Variants in C1GALT1 observed in about 807,000 individuals in gnomAD.
C1GALT1 encodes the protein glycoprotein-N-acetylgalactosamine 3-beta-galactosyltransferase 1.
In C1GALT1, 11 loss-of-function variants were observed where a neutral mutation model predicts 31.0. That is an observed-to-expected ratio of 0.36 (90% CI 0.22 to 0.59). The LOEUF is 0.59. Among genes scored for constraint, C1GALT1 ranks in the 20% least tolerant of loss-of-function variants. C1GALT1 has a pLI of 0.79. For synonymous variants in C1GALT1, 175 were observed against 143.6 expected, an observed-to-expected ratio of 1.22 and a Z score of -1.56; for missense variants, 424 against 425.2, an observed-to-expected ratio of 1.00 and a Z score of 0.03.
At chr7:7,228,036 G>C (rs903426552) in intron 1 of C1GALT1, among the ~76,000 whole-genome samples, 3 of 152,068 alleles carry the variant, frequency 2.0e-5, no homozygotes, top group Non-Finnish European at 2.9e-5. Flanking sequence ...GTGACTCTCT[G>C]TGTCTGAATT....
intron 1 of C1GALT1, among the ~76,000 whole-genome samples, chr7:7,214,770 C>G (rs904979250): frequency 1.3e-5 from 2 of 152,172 alleles, no homozygotes; most frequent in African/African-American, 4.8e-5. Context: ...TCGGAGAAGC[C>G]GGGTTTACAT....
chr7:7,234,489 A>C lies in C1GALT1; in HGVS notation c.170A>C (p.Asn57Thr). 1 of 1,613,906 alleles carries C rather than the reference A, an allele frequency of 6.2e-7. No individual in the cohort carries two copies. The highest frequency in any genetic ancestry group is 8.5e-7 in the Non-Finnish European group (1 of 1,179,840). The change falls in exon 2 of 4, where the codon AAT becomes ACT. Residue 57 changes from asparagine (N) to threonine (T), a missense_variant. Physicochemically the swap from Asn to Thr is moderately conservative, Grantham distance 65. Transcript: ENST00000436587. ...HARHSDDNGQNHLEGQMNFNA... is the reference protein window; with the variant it reads ...HARHSDDNGQTHLEGQMNFNA... ...AGGCATTCAGATGATAATGGACAGA[A>C]TCATCTAGAAGGACAAATGAACTTC...
upstream of C1GALT1, among the ~76,000 whole-genome samples, chr7:7,181,359 T>C (rs1780584557): frequency 6.6e-6 from 1 of 152,158 alleles, no homozygotes. Flanking sequence ...TCTGGACCCA[T>C]GAGCCAAGGA....
chr7:7,232,630 C>G (rs982159883), intron 1 of C1GALT1, among the ~76,000 whole-genome samples: 3 of 152,078 alleles, frequency 2.0e-5, no homozygotes, highest in African/African-American at 7.2e-5. Context: ...GCTGGGATTA[C>G]AGGCACGTAC....
intron 1 of C1GALT1, among the ~76,000 whole-genome samples, chr7:7,195,792 G>A (rs533524734): frequency 2.0e-5 from 3 of 152,196 alleles, no homozygotes; most frequent in Admixed American, 6.5e-5. Flanking sequence ...CTATTACTGT[G>A]TTGCTGTTTA....
chr7:7,180,596 T>C (rs769200658), upstream of C1GALT1, among the ~76,000 whole-genome samples: 2 of 152,254 alleles, frequency 1.3e-5, no homozygotes, highest in Non-Finnish European at 2.9e-5. Context: ...CTTAGAGAGA[T>C]GCCTAGAAGA....
chr7:7,185,647 T>C (rs1780781563), intron 1 of C1GALT1, among the ~76,000 whole-genome samples: 1 of 152,212 alleles, frequency 6.6e-6, no homozygotes. Flanking sequence ...GATGGTGTGC[T>C]CCACTTCTTG....
intron 3 of C1GALT1, 74 bp from the exon 4 acceptor site, chr7:7,243,450 C>T: frequency 8.2e-7 from 1 of 1,225,086 alleles, no homozygotes; most frequent in East Asian, 2.4e-5. Context: ...TTAGCTGGTC[C>T]TTTATAAGTA....
Position 7,238,152 on chromosome 7 carries a change from A to C in C1GALT1, c.221-103A>C, listed in dbSNP as rs549075288. 6.2e-6 allele frequency: 7 copies of C among 1,136,776 alleles called. No homozygotes were observed. The highest frequency in any genetic ancestry group is 8.6e-6 in the Non-Finnish European group (7 of 814,630). The allele number at this position is 1,136,776 out of a possible 1,614,324, so 70.4% of individuals were successfully genotyped here. A position where few individuals can be genotyped will look rare whatever the true frequency, so the allele number is the denominator to read the frequency against. ...TGGCTAAATCACTAATAGAGGGATA[A>C]ATAGGGACTTTGAAATTAGGACAGT... On this transcript the variant is annotated intron_variant, in intron 2 of 3. Coordinates refer to ENST00000436587, the MANE Select transcript of C1GALT1 (RefSeq NM_020156.5). The surrounding 1 kb of genome is among the most constrained non-coding windows in gnomAD (Gnocchi z 5.2).
chr7:7,196,358 C>G (rs1258319945), intron 1 of C1GALT1, among the ~76,000 whole-genome samples: 1 of 152,084 alleles, frequency 6.6e-6, no homozygotes, highest in Non-Finnish European at 1.5e-5. Context: ...ATGATGGTTT[C>G]CAGCTTCTTC....
chr7:7,217,258 C>A (rs1782287619), intron 1 of C1GALT1, among the ~76,000 whole-genome samples: 2 of 151,784 alleles, frequency 1.3e-5, no homozygotes, highest in Admixed American at 1.3e-4. Context: ...TTGAATAGGC[C>A]AGAAAGAAGA....
intron 1 of C1GALT1, among the ~76,000 whole-genome samples, chr7:7,232,497 G>GTT (rs72339945): frequency 3.0e-5 from 4 of 134,850 alleles, no homozygotes; most frequent in Non-Finnish European, 3.2e-5. Flanking sequence ...TTTTTTTTTT[G>GTT]TTTTTTTTTT....
intron 1 of C1GALT1, among the ~76,000 whole-genome samples, chr7:7,192,396 G>GT (rs933977926): frequency 6.6e-6 from 1 of 151,956 alleles, no homozygotes; most frequent in African/African-American, 2.4e-5. Context: ...ACAATGTTTG[G>GT]TTTTCCATTC....
rs547366176 is a variant in C1GALT1 at position 7,177,400 on chromosome 7, G to A, written c.-18+19974G>A. On this transcript the variant is annotated intron_variant, in intron 2 of 3. Coordinates refer to the C1GALT1 transcript ENST00000429911. ...GCCATTTATTTTCTTGCTATTGGGT[G>A]CAATTTTGCTCTAGGATGAACTCAT... Among the ~76,000 whole-genome samples, 405 of 152,202 alleles carry A rather than the reference G, an allele frequency of 2.7e-3. 1 individual carries two copies. The highest frequency in any genetic ancestry group is 4.9e-3 in the Non-Finnish European group (334 of 68,014).
chr7:7,180,574 T>C (rs917056008), upstream of C1GALT1, among the ~76,000 whole-genome samples: 1 of 152,268 alleles, frequency 6.6e-6, no homozygotes, highest in Admixed American at 6.5e-5. Flanking sequence ...TATGTCTATA[T>C]GTGCTTTTAT....
rs1298421017 is a variant in C1GALT1, at chr7:7,244,782, A to G, written c.*1055A>G. The G allele has an allele frequency of 6.6e-6, 1 of 152,232 alleles. No homozygotes were observed. Among genetic ancestry groups the G allele is most frequent in the Non-Finnish European group, 1.5e-5 (1 of 68,012 alleles). 9.4% of individuals were successfully genotyped at this position (152,232 alleles called of 1,614,324 possible). ...ATAGGATCTGAGGTGGCTATTAGTT[A>G]CAGTGGCAAGATTATTTAGAAAGCA... On this transcript the variant is annotated 3_prime_UTR_variant, in exon 4 of 4. Transcript: ENST00000436587.
At chr7:7,205,430 G>C (rs561787980) in intron 1 of C1GALT1, among the ~76,000 whole-genome samples, 1 of 146,684 alleles carries the variant, frequency 6.8e-6, no homozygotes, top group South Asian at 2.1e-4. Flanking sequence ...ATAAAGGAGA[G>C]AATTTATTTA....
intron 1 of C1GALT1, among the ~76,000 whole-genome samples, chr7:7,205,715 T>C (rs955016292): frequency 2.6e-5 from 4 of 152,232 alleles, no homozygotes; most frequent in African/African-American, 7.2e-5. Flanking sequence ...TTGTCTGATA[T>C]TAGTATGGCA....
intron 1 of C1GALT1, 86 bp downstream of exon 1, chr7:7,182,906 C>G (rs909996252): frequency 1.1e-5 from 10 of 933,434 alleles, no homozygotes; most frequent in Middle Eastern, 5.4e-4. Context: ...GGTGGGGAAG[C>G]GTGGAGGATG....
Sources: gnomAD v4.1 joint callset for allele counts (sites outside exome capture counted in the v4.1 genomes callset) on GRCh38, gnomAD v4.1.1 for gene constraint, Gnocchi (gnomAD v3.1) non-coding constraint, MANE v1.5 for transcripts, NCBI Gene and HGNC (gene_info 2026-07-23, HGNC 2026-07-21) for gene names.